MYO18B: variants seen among roughly 807,000 people sequenced by gnomAD.
MYO18B encodes the protein unconventional myosin-XVIIIb.
A neutral mutation model predicts 273.0 loss-of-function variants in MYO18B; 204 were observed. The observed-to-expected ratio is 0.75, with a 90% CI of 0.67 to 0.84. The LOEUF (loss-of-function observed/expected upper bound fraction) is 0.84, where lower values mean the gene tolerates loss of function less well. Ranked by LOEUF, MYO18B falls within the 40% of genes least tolerant of loss-of-function variation. MYO18B has a pLI of 0.00. For synonymous variants in MYO18B, 1,330 were observed against 1,305.7 expected (o/e 1.02, Z -0.40); for missense variants, 3,212 against 3,287.6 (o/e 0.98, Z 0.56).
chr22:26,052,139 CTT>C, the MYO18B span, among the ~76,000 whole-genome samples: 2 of 152,166 alleles, frequency 1.3e-5, no homozygotes, highest in African/African-American at 4.8e-5. Context: ...TTTTAGTAGA[CTT>C]TGCTGGAATG....
chr22:25,862,561 C>T (rs1601390099), intron 21 of MYO18B, among the ~76,000 whole-genome samples: 3 of 152,306 alleles, frequency 2.0e-5, no homozygotes, highest in Admixed American at 2.0e-4. Flanking sequence ...CCTTACTTCA[C>T]CTTCATTTTT....
At chr22:25,801,357 A>G (rs1053046839) in intron 12 of MYO18B, among the ~76,000 whole-genome samples, 1 of 152,194 alleles carries the variant, frequency 6.6e-6, no homozygotes, top group African/African-American at 2.4e-5. Context: ...TTATACCTCT[A>G]TTATGCCCTT....
chr22:25,899,299 T>G (rs927814155), intron 29 of MYO18B: 5 of 152,096 alleles, frequency 3.3e-5, no homozygotes, highest in African/African-American at 1.2e-4. Context: ...GCTCACTCGG[T>G]GAGGGGAAAG....
At chr22:25,849,522 A>G (rs1335722785) in intron 20 of MYO18B, among the ~76,000 whole-genome samples, 2 of 152,204 alleles carry the variant, frequency 1.3e-5, no homozygotes, top group African/African-American at 2.4e-5. Context: ...ATACTCATGC[A>G]TGCTATTGAG....
intron 34 of MYO18B, among the ~76,000 whole-genome samples, chr22:25,921,853 T>TGC: frequency 6.9e-6 from 1 of 145,798 alleles, no homozygotes; most frequent in African/African-American, 2.5e-5. Flanking sequence ...TGTGTGTGTG[T>TGC]GTGGTGACTG....
chr22:25,921,504 G>A (rs925456482), intron 34 of MYO18B, 95 bp downstream of exon 34: 2 of 1,430,944 alleles, frequency 1.4e-6, no homozygotes, highest in Non-Finnish European at 1.9e-6. Context: ...CGGAACCATG[G>A]TGCCAACCTC....
intron 4 of MYO18B, 32 bp downstream of exon 4, chr22:25,769,460 C>T (rs1035207051): frequency 7.5e-6 from 11 of 1,474,768 alleles, no homozygotes; most frequent in Middle Eastern, 2.3e-4. Context: ...GAGCGGGAAG[C>T]GGCAGACAGG....
At chr22:26,006,191 T>G (rs1934402686) in intron 42 of MYO18B, among the ~76,000 whole-genome samples, 1 of 152,134 alleles carries the variant, frequency 6.6e-6, no homozygotes, top group Non-Finnish European at 1.5e-5. Flanking sequence ...GGGTGGATAA[T>G]AAGGATCCTA....
chr22:25,909,051 T>C (rs2092105000), intron 32 of MYO18B, among the ~76,000 whole-genome samples: 1 of 152,212 alleles, frequency 6.6e-6, no homozygotes, highest in African/African-American at 2.4e-5. Context: ...TTTAATGGCT[T>C]AACAGTTTTT....
At chr22:25,942,376 C>G (rs376169173) in intron 34 of MYO18B, among the ~76,000 whole-genome samples, 1 of 152,264 alleles carries the variant, frequency 6.6e-6, no homozygotes, top group Non-Finnish European at 1.5e-5. Flanking sequence ...AGACTCCCAA[C>G]TTAGTCCAGG....
intron 1 of MYO18B, among the ~76,000 whole-genome samples, chr22:25,757,126 T>TA (rs2086148723): frequency 6.6e-6 from 1 of 152,166 alleles, no homozygotes; most frequent in African/African-American, 2.4e-5. Context: ...CACTAGTACT[T>TA]ACAAAAGCTT....
rs201327023 is a variant in MYO18B at position 26,026,780 on chromosome 22, C to G, written c.6806C>G (p.Thr2269Arg). The G allele has an allele frequency of 1.2e-6, 2 of 1,607,070 alleles. No individual in the cohort carries two copies. The highest frequency in any genetic ancestry group is 8.5e-7 in the Non-Finnish European group (1 of 1,176,930). Residue 2269 changes from threonine to arginine, a missense_variant, in exon 43 of 44, where the codon ACG (threonine) becomes AGG (arginine). Coordinates refer to ENST00000335473, the MANE Select transcript of MYO18B (RefSeq NM_032608.7). ...AGAGCCCAGAGAGGCCAGGGGTCCA[C>G]GCTGGGCCTAGAGGACTGGCCCACT... is the stretch of plus-strand genomic sequence containing the variant. ...RKRAQRGQGSTLGLEDWPTLP... is the reference protein window; with the variant it reads ...RKRAQRGQGSRLGLEDWPTLP...
In MYO18B at chr22:25,772,455, G is replaced by T; in HGVS notation, c.1814G>T (p.Gly605Val). 1 of 1,613,954 alleles carries T rather than the reference G, an allele frequency of 6.2e-7. No homozygotes were observed. The highest frequency in any genetic ancestry group is 1.7e-4 in the Middle Eastern group (1 of 6,056). The part of the protein sequence containing the change: ...YKAQLLHTCT[G>V]PDLIVLQPRG... ...GCTCAGCTGCTGCACACCTGCACAGGGCCTGATCTGATTGTCCTCCAGCCC... is the reference window on the plus strand; with the variant it reads ...GCTCAGCTGCTGCACACCTGCACAGTGCCTGATCTGATTGTCCTCCAGCCC... Residue 605 changes from glycine (G) to valine (V), a missense_variant, in exon 7 of 44, where the codon GGG becomes GTG. By Grantham distance (109) the Gly-to-Val change is moderately radical. Transcript: ENST00000335473.
chr22:26,033,946 CTTCT>C (rs1397889015), downstream of MYO18B, among the ~76,000 whole-genome samples: 2 of 136,292 alleles, frequency 1.5e-5, no homozygotes, highest in African/African-American at 5.4e-5. Flanking sequence ...TCCTTCCTTC[CTTCT>C]TTCTTCTCTT....
At chr22:25,881,249 T>A (rs1178085671) in intron 25 of MYO18B, among the ~76,000 whole-genome samples, 1 of 152,212 alleles carries the variant, frequency 6.6e-6, no homozygotes, top group African/African-American at 2.4e-5. Flanking sequence ...AACCGTGGAG[T>A]TGGCCACGGA....
intron 42 of MYO18B, among the ~76,000 whole-genome samples, chr22:26,022,589 C>T (rs1441528905): frequency 6.6e-6 from 1 of 152,182 alleles, no homozygotes; most frequent in Non-Finnish European, 1.5e-5. Context: ...TTCTTGCCCT[C>T]TCTTCCTTGT....
intron 40 of MYO18B, among the ~76,000 whole-genome samples, chr22:26,001,886 G>T (rs1296823829): frequency 6.6e-6 from 1 of 152,240 alleles, no homozygotes; most frequent in Non-Finnish European, 1.5e-5. Flanking sequence ...ACACCAGTGT[G>T]TGCTTTGATT....
At position 26,026,797 on chromosome 22, in the gene MYO18B, T is replaced by G. The variant is rs1352757387; in HGVS notation, c.6823T>G (p.Trp2275Gly). 6.3e-7 allele frequency: 1 copy of G among 1,599,324 alleles called. No individual in the cohort carries two copies. The highest frequency in any genetic ancestry group is 1.3e-5 in the African/African-American group (1 of 74,298). ...GGGGTCCACGCTGGGCCTAGAGGAC[T>G]GGCCCACTCTCCCCATTTACCAGAC... is the stretch of plus-strand genomic sequence containing the variant. ...GQGSTLGLED[W>G]PTLPIYQTTG... is the part of the protein sequence containing the mutation. Residue 2275 changes from tryptophan to glycine, a missense_variant, in exon 43 of 44, where the codon TGG (tryptophan) becomes GGG (glycine). Physicochemically the swap from Trp to Gly is radical, Grantham distance 184. Transcript: ENST00000335473.
intron 34 of MYO18B, among the ~76,000 whole-genome samples, chr22:25,931,371 A>G (rs886971671): frequency 1.3e-5 from 2 of 152,206 alleles, no homozygotes; most frequent in Admixed American, 6.5e-5. Context: ...TTAGTCATGG[A>G]GGGGCCTGTC....
Sources: allele counts gnomAD v4.1 joint callset (sites outside exome capture counted in the v4.1 genomes callset), GRCh38; gene constraint gnomAD v4.1.1; transcripts MANE v1.5; gene names NCBI Gene and HGNC (gene_info 2026-07-23, HGNC 2026-07-21).